The following MPP7 variants were observed in gnomAD, a reference collection of about 807,000 sequenced individuals.
The protein encoded by MPP7 is MAGUK p55 scaffold protein 7, also known as MAGUK p55 subfamily member 7.
A neutral mutation model predicts 76.5 loss-of-function variants in MPP7; 60 were observed. That is an observed-to-expected ratio of 0.78 (90% CI 0.64 to 0.97). The LOEUF is 0.97. Among genes scored for constraint, MPP7 ranks in the 50% least tolerant of loss-of-function variants. The pLI is 0.00. For synonymous variants in MPP7, 237 were observed against 244.5 expected (o/e 0.97, Z 0.29); for missense variants, 641 against 694.0 (o/e 0.92, Z 0.86).
At chr10:28,080,643 A>G (rs1332085390) in intron 12 of MPP7, among the ~76,000 whole-genome samples, 5 of 152,240 alleles carry the variant, frequency 3.3e-5, no homozygotes, top group Admixed American at 3.3e-4. Flanking sequence ...ACACCGTAAA[A>G]CTCAGTTGAA....
At chr10:28,266,898 G>C (rs545110679) in intron 1 of MPP7, among the ~76,000 whole-genome samples, 8 of 152,282 alleles carry the variant, frequency 5.3e-5, no homozygotes, top group African/African-American at 1.9e-4. Flanking sequence ...TGCTCAATAA[G>C]TGTTTCTTGT....
chr10:28,068,750 C>G (rs1852092456), intron 13 of MPP7, among the ~76,000 whole-genome samples: 1 of 152,150 alleles, frequency 6.6e-6, no homozygotes. Flanking sequence ...TGATTTGATT[C>G]TTCTAATCTT....
chr10:28,081,387 A>T (rs779961200), intron 12 of MPP7, among the ~76,000 whole-genome samples: 1 of 152,240 alleles, frequency 6.6e-6, no homozygotes, highest in East Asian at 1.9e-4. Context: ...ATGTAGGAAA[A>T]TGTATTAAAA....
At chr10:28,323,103 G>A (rs1266452828) in intron 2 of MPP7, among the ~76,000 whole-genome samples, 3 of 152,026 alleles carry the variant, frequency 2.0e-5, no homozygotes, top group East Asian at 1.9e-4. Flanking sequence ...TGGCTAACAC[G>A]GTGAAACCCC....
rs1223687375 is a variant in MPP7 at position 28,172,080 on chromosome 10, T to C, written c.157-22021A>G. 2.0e-5 allele frequency among the ~76,000 whole-genome samples: 3 copies of C among 152,184 alleles called. No homozygotes were observed. In the East Asian group the frequency reaches 5.8e-4, roughly 29 times the overall value. ...TGCAAATCTCACAAACTGCCAGGTC[T>C]AGGATGATGCAATGTACTTTCATTG... On this transcript the variant is annotated intron_variant, in intron 3 of 16. Coordinates refer to ENST00000683449, the MANE Select transcript of MPP7 (RefSeq NM_001318170.2).
intron 11 of MPP7, among the ~76,000 whole-genome samples, chr10:28,102,688 C>G (rs4749306): frequency 0.2 from 29,681 of 152,048 alleles, 4,353 homozygotes; most frequent in African/African-American, 0.4. Context: ...ATCCAAAAAC[C>G]ATACACCCAT....
chr10:28,320,567 T>C (rs552639712), intron 2 of MPP7, among the ~76,000 whole-genome samples: 2 of 151,980 alleles, frequency 1.3e-5, no homozygotes, highest in African/African-American at 4.8e-5. Flanking sequence ...AAGAAAAAAA[T>C]AGAAATAAAA....
chr10:28,293,854 AAG>A (rs1383462249), intron 1 of MPP7, among the ~76,000 whole-genome samples: 3 of 152,234 alleles, frequency 2.0e-5, no homozygotes, highest in Non-Finnish European at 4.4e-5. Context: ...AGATAATGAT[AAG>A]AGAGTGTTAA....
Position 28,166,631 on chromosome 10 carries a change from T to C in MPP7, c.157-16572A>G, listed in dbSNP as rs368125808. Among the ~76,000 whole-genome samples the C allele has an allele frequency of 2.4e-4, 36 of 152,138 alleles. No homozygotes were observed. The East Asian group carries it at 6.8e-3, about 29-fold the overall frequency. On this transcript the variant is annotated intron_variant, in intron 3 of 16. Coordinates refer to ENST00000683449, the MANE Select transcript of MPP7 (RefSeq NM_001318170.2). ...CATGTTGGTCAGGCTGGTCTCGAAC[T>C]CCCGACCTCAGGTGATCCGCCCATC...
intron 12 of MPP7, among the ~76,000 whole-genome samples, chr10:28,074,897 A>G (rs974046769): frequency 4.6e-5 from 7 of 152,142 alleles, no homozygotes; most frequent in African/African-American, 1.7e-4. Flanking sequence ...TTTATCACAC[A>G]TTAGTCTGTT....
intron 2 of MPP7, among the ~76,000 whole-genome samples, chr10:28,233,194 G>A (rs934461241): frequency 1.2e-4 from 19 of 152,172 alleles, no homozygotes; most frequent in African/African-American, 4.6e-4. Flanking sequence ...ATCGATGGTG[G>A]ATGGTAGTAG....
At chr10:28,243,137 T>C (rs1032104353) in intron 1 of MPP7, among the ~76,000 whole-genome samples, 13 of 152,276 alleles carry the variant, frequency 8.5e-5, no homozygotes, top group Admixed American at 3.9e-4. Context: ...CAAGCTTCGG[T>C]ATTTGGCAAA....
chr10:28,076,041 C>T (rs1852468789), intron 12 of MPP7, among the ~76,000 whole-genome samples: 3 of 152,138 alleles, frequency 2.0e-5, no homozygotes, highest in Non-Finnish European at 2.9e-5. Flanking sequence ...GCCCCTAGAA[C>T]GTGTGGATAT....
intron 2 of MPP7, among the ~76,000 whole-genome samples, chr10:28,211,107 C>CTT (rs61524219): frequency 2.0e-5 from 3 of 149,012 alleles, no homozygotes; most frequent in East Asian, 3.9e-4. Flanking sequence ...ACTGTCTTTT[C>CTT]TTTTTTTTTT....
chr10:28,151,437 T>C (rs1211023982), intron 3 of MPP7, among the ~76,000 whole-genome samples: 1 of 152,190 alleles, frequency 6.6e-6, no homozygotes, highest in Non-Finnish European at 1.5e-5. Context: ...GTTTAAATAA[T>C]TATCGAGAAT....
intron 12 of MPP7, among the ~76,000 whole-genome samples, chr10:28,083,559 T>C (rs1381296879): frequency 7.5e-6 from 1 of 132,570 alleles, no homozygotes; most frequent in East Asian, 2.3e-4. Flanking sequence ...TTTTTTGAGA[T>C]GGAGCTTCGC....
chr10:28,157,231 G>A (rs1359810328), intron 3 of MPP7, among the ~76,000 whole-genome samples: 1 of 151,998 alleles, frequency 6.6e-6, no homozygotes, highest in Non-Finnish European at 1.5e-5. Context: ...GAAAGAAAAG[G>A]AAAAGGAAAA....
At chr10:28,172,874 A>G (rs374464953) in intron 3 of MPP7, among the ~76,000 whole-genome samples, 1 of 152,190 alleles carries the variant, frequency 6.6e-6, no homozygotes, top group Non-Finnish European at 1.5e-5. Context: ...AAAGAATATG[A>G]TATTTTCTCA....
chr10:28,168,065 C>T (rs954716916), intron 3 of MPP7, among the ~76,000 whole-genome samples: 2 of 151,958 alleles, frequency 1.3e-5, no homozygotes, highest in South Asian at 2.1e-4. Flanking sequence ...GGTGAAACCC[C>T]GTTTCTGCTA....
Sources: gnomAD v4.1 joint callset for allele counts (sites outside exome capture counted in the v4.1 genomes callset) on GRCh38, gnomAD v4.1.1 for gene constraint, MANE v1.5 for transcripts, NCBI Gene and HGNC (gene_info 2026-07-23, HGNC 2026-07-21) for gene names.